The following PCCA variants were observed in gnomAD, a reference collection of about 807,000 sequenced individuals.
PCCA encodes the protein propionyl-CoA carboxylase alpha chain, mitochondrial.
PCCA carries 74 observed loss-of-function variants against 101.3 expected under a neutral mutation model. The observed-to-expected ratio is 0.73, with a 90% CI of 0.61 to 0.89. The LOEUF (loss-of-function observed/expected upper bound fraction) is 0.89. PCCA is among the 40% of genes least tolerant of loss of function. The pLI is 0.00. For missense variants in PCCA, 891 were observed against 907.0 expected (o/e 0.98, Z 0.23); for synonymous variants, 294 against 313.6 (o/e 0.94, Z 0.66).
chr13:100,342,474 G>A (rs1027510457), intron 18 of PCCA, among the ~76,000 whole-genome samples: 1 of 151,452 alleles, frequency 6.6e-6, no homozygotes, highest in African/African-American at 2.4e-5. Context: ...CACCATGTTG[G>A]CCAGGCTGGT....
At chr13:100,179,090 A>AT (rs1566645611) in intron 6 of PCCA, among the ~76,000 whole-genome samples, 60 of 120,500 alleles carry the variant, frequency 5.0e-4, no homozygotes, top group African/African-American at 8.6e-4. Flanking sequence ...AAAAAAAAAA[A>AT]AATATATATA....
At chr13:100,487,654 G>A (rs1383593573) in intron 21 of PCCA, among the ~76,000 whole-genome samples, 1 of 152,114 alleles carries the variant, frequency 6.6e-6, no homozygotes, top group East Asian at 1.9e-4. Context: ...GTTTTCTTTG[G>A]GCATGTACTA....
intron 21 of PCCA, chr13:100,466,104 A>T (rs748899286): frequency 6.6e-6 from 1 of 152,218 alleles, no homozygotes. Context: ...CCAAAGACAC[A>T]TTTTGGGTAT....
chr13:100,232,348 A>ATGCGTGTGCG (rs200506484), intron 7 of PCCA, among the ~76,000 whole-genome samples: 2 of 60,384 alleles, frequency 3.3e-5, no homozygotes, highest in Non-Finnish European at 8.1e-5. Context: ...GTGTGTGTGT[A>ATGCGTGTGCG]TGCGTGTGTG....
At chr13:100,127,348 T>TA (rs2050055016) in intron 4 of PCCA, among the ~76,000 whole-genome samples, 1 of 152,204 alleles carries the variant, frequency 6.6e-6, no homozygotes, top group African/African-American at 2.4e-5. Context: ...ATACTGAAGT[T>TA]ACTTTTTACT....
chr13:100,105,844 CAAAAAAAAAAAAAAAAA>C (rs71114671), intron 2 of PCCA, among the ~76,000 whole-genome samples: 10 of 62,508 alleles, frequency 1.6e-4, no homozygotes, highest in Admixed American at 2.6e-4. Context: ...GATCCTGTCT[CAAAAAAAAAAAAAAAAA>C]AAAAAAAAAA....
intron 1 of PCCA, among the ~76,000 whole-genome samples, chr13:100,091,714 C>G (rs1006174084): frequency 6.6e-6 from 1 of 152,228 alleles, no homozygotes; most frequent in South Asian, 2.1e-4. Flanking sequence ...ATTCTTTTAG[C>G]CAGTCAACAG....
chr13:100,421,486 G>C lies in PCCA; in HGVS notation c.1747-4147G>C, dbSNP rs776820714. ...GATGACTCATTTTTTTAAAGAAGGGGCACTAAGTTTTTACATTCTACAGAA... is the reference window on the plus strand; with the variant it reads ...GATGACTCATTTTTTTAAAGAAGGGCCACTAAGTTTTTACATTCTACAGAA... On this transcript the variant is annotated intron_variant, in intron 19 of 23. Transcript: ENST00000376285. Among the ~76,000 whole-genome samples, 52 of 152,000 alleles carry C rather than the reference G, an allele frequency of 3.4e-4. No homozygotes were observed. In the Middle Eastern group the frequency reaches 0.014, roughly 40 times the overall value.
chr13:100,389,292 A>T (rs140320051), intron 19 of PCCA, among the ~76,000 whole-genome samples: 1 of 152,174 alleles, frequency 6.6e-6, no homozygotes, highest in South Asian at 2.1e-4. Flanking sequence ...TTGAAGGCCT[A>T]CATAAAAAGT....
chr13:100,248,008 A>G (rs2061545363), intron 8 of PCCA, among the ~76,000 whole-genome samples: 1 of 152,132 alleles, frequency 6.6e-6, no homozygotes, highest in Non-Finnish European at 1.5e-5. Flanking sequence ...TTCCTAAACA[A>G]GCTTATTTTT....
intron 1 of PCCA, among the ~76,000 whole-genome samples, chr13:100,098,995 C>G (rs940321675): frequency 6.6e-6 from 1 of 152,130 alleles, no homozygotes; most frequent in African/African-American, 2.4e-5. Flanking sequence ...AGACCTTCAC[C>G]TGGAATTTTA....
intron 4 of PCCA, among the ~76,000 whole-genome samples, chr13:100,116,541 C>G (rs2048816838): frequency 6.6e-6 from 1 of 152,138 alleles, no homozygotes; most frequent in East Asian, 1.9e-4. Context: ...ACATGTTCTT[C>G]AAAATTGTCT....
chr13:100,440,469 T>A (rs920147575), intron 20 of PCCA, among the ~76,000 whole-genome samples: 1 of 151,706 alleles, frequency 6.6e-6, no homozygotes, highest in East Asian at 1.9e-4. Flanking sequence ...CAGTTTTTTT[T>A]AGATTAAAAT....
chr13:100,360,684 A>T (rs1419106091), intron 18 of PCCA, among the ~76,000 whole-genome samples: 1 of 152,194 alleles, frequency 6.6e-6, no homozygotes, highest in Non-Finnish European at 1.5e-5. Context: ...GAGGATGTGG[A>T]GCGACAGGAG....
At chr13:100,230,473 A>G (rs1473587727) in intron 7 of PCCA, among the ~76,000 whole-genome samples, 1 of 151,224 alleles carries the variant, frequency 6.6e-6, no homozygotes, top group African/African-American at 2.4e-5. Flanking sequence ...TGAACCCAGG[A>G]GGCAAAGGTT....
At chr13:100,185,917 G>T (rs2057225810) in intron 6 of PCCA, among the ~76,000 whole-genome samples, 1 of 152,214 alleles carries the variant, frequency 6.6e-6, no homozygotes. Flanking sequence ...AAAGTGCTGG[G>T]ATTACAGGCG....
At chr13:100,445,246 A>T (rs1168219082) in intron 20 of PCCA, among the ~76,000 whole-genome samples, 3 of 152,154 alleles carry the variant, frequency 2.0e-5, no homozygotes, top group Non-Finnish European at 2.9e-5. Context: ...ACACACCCCC[A>T]TTATGCCCCA....
At chr13:100,231,189 T>G (rs1449500309) in intron 7 of PCCA, among the ~76,000 whole-genome samples, 2 of 152,222 alleles carry the variant, frequency 1.3e-5, no homozygotes, top group Admixed American at 1.3e-4. Context: ...GTATTTAAGG[T>G]TTGTCTTTTC....
intron 21 of PCCA, among the ~76,000 whole-genome samples, chr13:100,492,166 G>A (rs1180421172): frequency 2.0e-5 from 3 of 151,666 alleles, no homozygotes; most frequent in Non-Finnish European, 4.4e-5. Flanking sequence ...ACGGAGTCTC[G>A]CTTTGTCGTC....
Sources: gnomAD v4.1 joint callset for allele counts (sites outside exome capture counted in the v4.1 genomes callset) on GRCh38, gnomAD v4.1.1 for gene constraint, MANE v1.5 for transcripts, NCBI Gene and HGNC (gene_info 2026-07-23, HGNC 2026-07-21) for gene names.